The following CSRNP1 variants were observed in gnomAD, a reference collection of about 807,000 sequenced individuals.
The protein encoded by CSRNP1 is cysteine/serine-rich nuclear protein 1.
CSRNP1 carries 8 observed loss-of-function variants against 25.0 expected under a neutral mutation model. The observed-to-expected ratio is 0.32, with a 90% CI of 0.19 to 0.58. CSRNP1 has a LOEUF of 0.58. Among genes scored for constraint, CSRNP1 ranks in the 20% least tolerant of loss-of-function variants. CSRNP1 has a pLI of 0.88. For synonymous variants in CSRNP1, 305 were observed against 303.1 expected (o/e 1.01, Z -0.06); for missense variants, 691 against 773.1 (o/e 0.89, Z 1.26).
intron 1 of CSRNP1, chr3:39,149,115 T>TC (rs1170852290): frequency 1.7e-5 from 2 of 119,262 alleles, no homozygotes; most frequent in African/African-American, 2.7e-5. Flanking sequence ...TCCACACTGT[T>TC]TAAAAAAAAA....
At position 39,143,524 on chromosome 3, in the gene CSRNP1, G is replaced by A; in HGVS notation, c.1301C>T (p.Pro434Leu). The A allele has an allele frequency of 6.2e-7, 1 of 1,614,246 alleles. No individual in the cohort carries two copies. Among genetic ancestry groups the A allele is most frequent in the Non-Finnish European group, 8.5e-7 (1 of 1,180,044 alleles). Residue 434 changes from proline to leucine, a missense_variant, in exon 5 of 5, where the codon CCT becomes CTT. Pro to Leu is a moderately conservative substitution (Grantham distance 98). Transcript: ENST00000273153. ...GTGGGTCCAGCTGGCCAGGCCACCA[G>A]GGTCACTAGTACCAAAGATGTCAGC... ...HPADIFGTSD[P>L]GGLASWTHSY...
chr3:39,143,320 C>A lies in CSRNP1; in HGVS notation c.1505G>T (p.Cys502Phe). The A allele has an allele frequency of 1.2e-6, 2 of 1,614,184 alleles. No homozygotes were observed. Among genetic ancestry groups the A allele is most frequent in the South Asian group, 1.1e-5 (1 of 91,088 alleles). ...AGCCTGGAGTAACTCAAAGGAGTCA[C>A]AAGAAGACAAGCTGAGATCCACTGA... ...SSSVDLSLSS[C>F]DSFELLQALP... The change falls in exon 5 of 5, where the codon TGT becomes TTT. Residue 502 changes from cysteine to phenylalanine, a missense_variant. By Grantham distance (205) the Cys-to-Phe change is radical. Transcript: ENST00000273153.
At chr3:39,150,071 G>A (rs1460821493) in intron 1 of CSRNP1, 1 of 152,224 alleles carries the variant, frequency 6.6e-6, no homozygotes, top group Non-Finnish European at 1.5e-5. Context: ...GACCCAGCAA[G>A]AAGGTGTCCA....
chr3:39,143,737 G>A lies in CSRNP1; in HGVS notation c.1088C>T (p.Ser363Leu), dbSNP rs750819653. The A allele has an allele frequency of 1.4e-5, 22 of 1,613,958 alleles. No individual in the cohort carries two copies. Among genetic ancestry groups the A allele is most frequent in the African/African-American group, 2.7e-5 (2 of 74,922 alleles). Residue 363 changes from serine (S) to leucine (L), a missense_variant, in exon 5 of 5, where the codon TCG (serine) becomes TTG (leucine). Ser to Leu is a moderately radical substitution (Grantham distance 145). Coordinates refer to ENST00000273153, the MANE Select transcript of CSRNP1 (RefSeq NM_033027.4). ...GCAGTCAGGAGCCTCACTAGTGCCC[G>A]ATGCTGATGAAGATGCTGTAGAAGA... is the stretch of plus-strand genomic sequence containing the variant. ...TDSSTASSSASGTSEAPDCPT... is the reference protein window; with the variant it reads ...TDSSTASSSALGTSEAPDCPT...
intron 1 of CSRNP1, among the ~76,000 whole-genome samples, chr3:39,148,053 TC>T (rs1266379901): frequency 1.3e-5 from 2 of 152,078 alleles, no homozygotes; most frequent in African/African-American, 4.8e-5. Context: ...GCCTACAAAG[TC>T]CCCGAATCCT....
chr3:39,147,331 C>T (rs1316176452), intron 1 of CSRNP1, among the ~76,000 whole-genome samples: 1 of 152,140 alleles, frequency 6.6e-6, no homozygotes, highest in Admixed American at 6.5e-5. Context: ...CACATCCAAA[C>T]AGGCACGCCA....
intron 3 of CSRNP1, 65 bp downstream of exon 3, chr3:39,144,932 A>C: frequency 1.9e-5 from 27 of 1,434,090 alleles, no homozygotes; most frequent in East Asian, 2.3e-5. Context: ...TGGTACGCCC[A>C]CCCCTCAAGG....
At chr3:39,151,260 C>G (rs1249882240) in intron 1 of CSRNP1, 1 of 152,376 alleles carries the variant, frequency 6.6e-6, no homozygotes, top group East Asian at 1.9e-4. Context: ...GAGACAGGCC[C>G]TGAATCTGAG....
At chr3:39,150,658 T>A (rs1019388425) in intron 1 of CSRNP1, 1 of 152,274 alleles carries the variant, frequency 6.6e-6, no homozygotes, top group Non-Finnish European at 1.5e-5. Flanking sequence ...CCCAGGAGGC[T>A]CCCTGGTCCC....
At chr3:39,144,099 C>T (rs2039465753) in intron 4 of CSRNP1, 38 bp downstream of exon 4, 4 of 1,606,420 alleles carry the variant, frequency 2.5e-6, no homozygotes, top group Non-Finnish European at 3.4e-6. Flanking sequence ...AAAGAAGTCC[C>T]CACGCTCAGG....
intron 2 of CSRNP1, 129 bp downstream of exon 2, chr3:39,146,349 T>A: frequency 8.4e-7 from 1 of 1,186,076 alleles, no homozygotes; most frequent in Non-Finnish European, 1.2e-6. Context: ...CACTATATTA[T>A]AGCTCATGAG....
intron 1 of CSRNP1, chr3:39,149,757 T>C (rs1427884235): frequency 2.0e-5 from 3 of 152,340 alleles, no homozygotes. Flanking sequence ...GTTCCCGTAA[T>C]GGCCATGTCC....
chr3:39,147,630 C>A (rs1362814952), intron 1 of CSRNP1, among the ~76,000 whole-genome samples: 1 of 152,038 alleles, frequency 6.6e-6, no homozygotes, highest in South Asian at 2.1e-4. Context: ...ACATGGAGCA[C>A]CCCACAACAC....
At chr3:39,145,391 A>T in intron 2 of CSRNP1, 135 bp from the exon 3 acceptor site, 1 of 1,151,920 alleles carries the variant, frequency 8.7e-7, no homozygotes, top group Non-Finnish European at 1.2e-6. Flanking sequence ...GAAAAAAGAA[A>T]TGTGAATTTA....
Position 39,144,279 on chromosome 3 carries a change from G to A in CSRNP1, c.638C>T (p.Ala213Val). The change falls in exon 4 of 5, where the codon GCT (alanine) becomes GTT (valine). Residue 213 changes from alanine to valine, a missense_variant. Ala to Val is a moderately conservative substitution (Grantham distance 64). Transcript: ENST00000273153. ...CCGATCGATCCTTCGCACACCTGAA[G>A]CCCTCAGCAGAGCTCGACGTCGCCG... ...PARRRRALLR[A>V]SGVRRIDREE... 6.2e-7 allele frequency: 1 copy of A among 1,614,156 alleles called. No individual in the cohort carries two copies.
intron 2 of CSRNP1, 42 bp downstream of exon 2, chr3:39,146,436 A>G: frequency 2.0e-6 from 3 of 1,480,974 alleles, no homozygotes; most frequent in Non-Finnish European, 2.7e-6. Context: ...TCTTTCAGGA[A>G]GGCAGGCAGG....
upstream of CSRNP1, chr3:39,154,321 C>A (rs2039628688): frequency 6.6e-6 from 1 of 152,258 alleles, no homozygotes; most frequent in Non-Finnish European, 1.5e-5. Context: ...AGGCTGGTTT[C>A]TTCCGGGCCA....
In CSRNP1 at chr3:39,146,492, G is replaced by T. The variant is rs1393966154; in HGVS notation, c.191C>A (p.Pro64His). The change falls in exon 2 of 5, where the codon CCC (proline) becomes CAC (histidine). Residue 64 changes from proline (P) to histidine (H), a missense_variant. Transcript: ENST00000273153. The part of the protein sequence containing the change: ...MPLPDRDFCG[P>H]RSFTPLSILK... ...GGAGTACTCACGGGTGAAACTTCTG[G>T]GGCCGCAGAAGTCACGGTCAGGCAG... 6.5e-7 allele frequency: 1 copy of T among 1,545,216 alleles called. No homozygotes were observed. The highest frequency in any genetic ancestry group is 8.7e-7 in the Non-Finnish European group (1 of 1,143,502).
In CSRNP1 at chr3:39,146,591, C is replaced by G. The variant is rs142952358; in HGVS notation, c.92G>C (p.Arg31Pro). ...GACAGAAGAGCTTGGGGAGCAGGAG[C>G]GAGACTGGCACCCAGAGGAAGAGGA... ...SSSSSSGCQSRSCSPSSSVSR... is the reference protein window; with the variant it reads ...SSSSSSGCQSPSCSPSSSVSR... The change falls in exon 2 of 5, where the codon CGC becomes CCC. Residue 31 changes from arginine (R) to proline (P), a missense_variant. Arg to Pro is a moderately radical substitution (Grantham distance 103). Transcript: ENST00000273153. 4 of 1,563,984 alleles carry G rather than the reference C, an allele frequency of 2.6e-6. No individual in the cohort carries two copies. Among genetic ancestry groups the G allele is most frequent in the African/African-American group, 1.4e-5 (1 of 73,654 alleles).
Sources: gnomAD v4.1 joint callset for allele counts (sites outside exome capture counted in the v4.1 genomes callset) on GRCh38, gnomAD v4.1.1 for gene constraint, MANE v1.5 for transcripts, NCBI Gene and HGNC (gene_info 2026-07-23, HGNC 2026-07-21) for gene names.